Variants in NCAM2 observed in about 807,000 individuals in gnomAD.
NCAM2 encodes neural cell adhesion molecule 2.
NCAM2 carries 30 observed loss-of-function variants against 98.1 expected under a neutral mutation model. The ratio of observed to expected loss-of-function variants is 0.31; its 90% confidence interval spans 0.23 to 0.41. NCAM2 has a LOEUF of 0.41. Among genes scored for constraint, NCAM2 ranks in the 10% least tolerant of loss-of-function variants. NCAM2 has a pLI of 1.00. For missense variants in NCAM2, 867 were observed against 1,005.8 expected (o/e 0.86, Z 1.87); for synonymous variants, 368 against 342.4 (o/e 1.07, Z -0.83).
chr21:21,101,114 A>T (rs2146488408), intron 1 of NCAM2, among the ~76,000 whole-genome samples: 1 of 152,170 alleles, frequency 6.6e-6, no homozygotes, highest in African/African-American at 2.4e-5. Context: ...ATGGGAGGCT[A>T]TTATATTTAC....
Position 21,338,484 on chromosome 21 carries a change from A to G in NCAM2, c.994A>G (p.Ile332Val). 1.2e-6 allele frequency: 2 copies of G among 1,612,848 alleles called. No individual in the cohort carries two copies. The highest frequency in any genetic ancestry group is 1.7e-6 in the Non-Finnish European group (2 of 1,179,386). ...CDAEGEPIPE[I>V]TWKRAVDGFT... is the part of the protein sequence containing the mutation. The stretch of plus-strand genomic sequence containing the variant: ...TGCGGAAGGGGAGCCTATTCCAGAA[A>G]TCACTTGGAAAAGAGCTGTGGATGG... Residue 332 changes from isoleucine (I) to valine (V), a missense_variant, in exon 8 of 18, where the codon ATC becomes GTC. By Grantham distance (29) the Ile-to-Val change is conservative (BLOSUM62 3). Around this residue, in one of 5 missense-constraint regions of NCAM2, gnomAD observed 447 missense variants for 495.7 expected, o/e 0.90. Transcript: ENST00000400546.
intron 1 of NCAM2, among the ~76,000 whole-genome samples, chr21:21,082,746 C>G (rs1263880075): frequency 6.6e-6 from 1 of 152,134 alleles, no homozygotes; most frequent in Admixed American, 6.6e-5. Flanking sequence ...TGTATTAGAA[C>G]TGCCGTTTTC....
intron 1 of NCAM2, among the ~76,000 whole-genome samples, chr21:21,015,094 C>T (rs948561934): frequency 6.6e-6 from 1 of 152,142 alleles, no homozygotes; most frequent in Non-Finnish European, 1.5e-5. Context: ...TATGGGTAAG[C>T]AAGGAAAGTG....
chr21:21,489,944 C>T (rs994209498), intron 15 of NCAM2, among the ~76,000 whole-genome samples: 1 of 145,114 alleles, frequency 6.9e-6, no homozygotes, highest in Non-Finnish European at 1.5e-5. Flanking sequence ...TATATACTTA[C>T]ATAATCCCAA....
chr21:21,113,487 G>A (rs2066493948), intron 1 of NCAM2, among the ~76,000 whole-genome samples: 1 of 152,028 alleles, frequency 6.6e-6, no homozygotes, highest in South Asian at 2.1e-4. Flanking sequence ...ATTATCTTGA[G>A]GAAGAAGTAA....
At chr21:21,309,832 C>T (rs2073990120) in intron 5 of NCAM2, among the ~76,000 whole-genome samples, 1 of 105,070 alleles carries the variant, frequency 9.5e-6, no homozygotes, top group Non-Finnish European at 2.1e-5. Context: ...CACAGCAGGA[C>T]TCACCTCATT....
intron 8 of NCAM2, among the ~76,000 whole-genome samples, chr21:21,347,948 A>G (rs572984972): frequency 3.3e-5 from 5 of 152,114 alleles, no homozygotes; most frequent in Non-Finnish European, 7.4e-5. Context: ...AACTGGGAAT[A>G]GAAGGAATAT....
chr21:21,204,519 T>C (rs1460648446), intron 1 of NCAM2, among the ~76,000 whole-genome samples: 1 of 152,172 alleles, frequency 6.6e-6, no homozygotes, highest in African/African-American at 2.4e-5. Flanking sequence ...AAACTTGTTA[T>C]GCTTTTTAAG....
intron 1 of NCAM2, among the ~76,000 whole-genome samples, chr21:21,242,242 A>G (rs55858027): frequency 0.66 from 75,070 of 113,626 alleles, 19,130 homozygotes; most frequent in Middle Eastern, 0.72. Context: ...GTATATATTT[A>G]TGTGATACAA....
intron 1 of NCAM2, among the ~76,000 whole-genome samples, chr21:21,213,292 T>C (rs73316713): frequency 0.017 from 2,549 of 152,288 alleles, 86 homozygotes; most frequent in African/African-American, 0.059. Context: ...ACGTTAATAC[T>C]AAGTTTTAAG....
chr21:21,431,422 A>T lies in NCAM2; in HGVS notation c.1481-686A>T, dbSNP rs148432111. On this transcript the variant is annotated intron_variant, in intron 11 of 17. Transcript: ENST00000400546. ...ATTAAATGTCCACCTAAGATACCTT[A>T]TTGAACTTGAAATAATTTAAGTAGT... is the stretch of plus-strand genomic sequence containing the variant. Among the ~76,000 whole-genome samples the T allele has an allele frequency of 6.3e-3, 963 of 151,880 alleles. 9 individuals are homozygous for T. Among genetic ancestry groups the T allele is most frequent in the Non-Finnish European group, 0.011 (752 of 67,962 alleles).
At chr21:21,217,666 G>C (rs1199542593) in intron 1 of NCAM2, among the ~76,000 whole-genome samples, 1 of 152,096 alleles carries the variant, frequency 6.6e-6, no homozygotes, top group Non-Finnish European at 1.5e-5. Context: ...AACTAGAGAG[G>C]TTATTCTGGA....
chr21:21,225,172 C>CCA (rs2070330394), intron 1 of NCAM2, among the ~76,000 whole-genome samples: 1 of 152,076 alleles, frequency 6.6e-6, no homozygotes, highest in South Asian at 2.1e-4. Flanking sequence ...GAACCAAACA[C>CCA]CACATGTTCT....
chr21:21,263,058 T>C (rs1601802045), intron 1 of NCAM2, among the ~76,000 whole-genome samples: 1 of 152,106 alleles, frequency 6.6e-6, no homozygotes, highest in East Asian at 1.9e-4. Flanking sequence ...AACCATATTA[T>C]CAAATTATCC....
At chr21:21,348,727 T>C (rs1049206020) in intron 8 of NCAM2, among the ~76,000 whole-genome samples, 1 of 152,004 alleles carries the variant, frequency 6.6e-6, no homozygotes, top group African/African-American at 2.4e-5. Flanking sequence ...GATACTGGTG[T>C]ACACACAGAT....
chr21:21,474,959 T>G (rs977323324), intron 14 of NCAM2, among the ~76,000 whole-genome samples: 1 of 151,050 alleles, frequency 6.6e-6, no homozygotes, highest in Non-Finnish European at 1.5e-5. Context: ...CTTTTTAAGC[T>G]TTTTTGTTCT....
At chr21:21,198,308 A>C (rs954764491) in intron 1 of NCAM2, among the ~76,000 whole-genome samples, 1 of 151,922 alleles carries the variant, frequency 6.6e-6, no homozygotes, top group African/African-American at 2.4e-5. Flanking sequence ...AATGCAATTA[A>C]AGTAAGTATA....
At chr21:21,146,546 G>GATATATATATAT (rs201917811) in intron 1 of NCAM2, among the ~76,000 whole-genome samples, 669 of 50,264 alleles carry the variant, frequency 0.013, 9 homozygotes, top group African/African-American at 0.025. Context: ...ATACTTACAG[G>GATATATATATAT]ATATATATAT....
At chr21:21,135,063 G>T (rs1175277167) in intron 1 of NCAM2, among the ~76,000 whole-genome samples, 16 of 133,586 alleles carry the variant, frequency 1.2e-4, no homozygotes, top group Non-Finnish European at 2.0e-4. Flanking sequence ...GTGAAACCCC[G>T]TCTCTACTAA....
Sources: gnomAD v4.1 joint callset for allele counts (sites outside exome capture counted in the v4.1 genomes callset) on GRCh38, gnomAD v4.1.1 for gene constraint, gnomAD v4.1.1 regional missense constraint, MANE v1.5 for transcripts, NCBI Gene and HGNC (gene_info 2026-07-23, HGNC 2026-07-21) for gene names.